Variants in PCDH7 observed in about 807,000 individuals in gnomAD.
PCDH7 encodes the protein protocadherin-7.
Under a neutral mutation model 58.9 loss-of-function variants are expected in PCDH7, and 17 were observed. The ratio of observed to expected loss-of-function variants is 0.29; its 90% CI spans 0.20 to 0.43. The LOEUF is 0.43. Among genes scored for constraint, PCDH7 ranks in the 20% least tolerant of loss-of-function variants. PCDH7 has a pLI of 1.00. For missense variants in PCDH7, 1,274 were observed against 1,441.0 expected (o/e 0.88, Z 1.88); for synonymous variants, 664 against 616.4 (o/e 1.08, Z -1.14).
intron 3 of PCDH7, among the ~76,000 whole-genome samples, chr4:31,021,476 C>T (rs1171055356): frequency 1.3e-5 from 2 of 152,182 alleles, no homozygotes; most frequent in Non-Finnish European, 2.9e-5. Flanking sequence ...CAGAAATATG[C>T]TAACTGTTGT....
rs1157267696 is a variant in PCDH7, at chr4:31,074,784, C to CAAAAAAAAAAAAAAAAAAA, written c.*8-67684_*8-67666dup. 9.1e-4 allele frequency among the ~76,000 whole-genome samples: 48 copies of CAAAAAAAAAAAAAAAAAAA among 52,466 alleles called. 5 individuals carry two copies. Among genetic ancestry groups the CAAAAAAAAAAAAAAAAAAA allele is most frequent in the African/African-American group, 2.3e-3 (26 of 11,336 alleles). 34.4% of individuals were successfully genotyped at this position (52,466 alleles called of 152,430 possible). A position where few individuals can be genotyped will look rare whatever the true frequency, so the allele number is the denominator to read the frequency against. On this transcript the variant is annotated intron_variant, in intron 3 of 3. Coordinates refer to the PCDH7 transcript ENST00000509759. ...TGGGCTACAGAGGGAGATTCCGTCT[C>CAAAAAAAAAAAAAAAAAAA]AAAAAAAAAAAAAAAAAAAAAAAGC... is the stretch of plus-strand genomic sequence containing the variant.
intron 3 of PCDH7, among the ~76,000 whole-genome samples, chr4:31,103,179 T>C (rs1199651191): frequency 1.3e-5 from 2 of 152,204 alleles, no homozygotes; most frequent in African/African-American, 4.8e-5. Flanking sequence ...GTAACCATAT[T>C]GCTTGAGAGA....
At chr4:31,118,610 T>C (rs1196298774) in intron 3 of PCDH7, among the ~76,000 whole-genome samples, 1 of 152,122 alleles carries the variant, frequency 6.6e-6, no homozygotes, top group Non-Finnish European at 1.5e-5. Flanking sequence ...TCAAATCTGT[T>C]TGGGGATAGT....
intron 3 of PCDH7, among the ~76,000 whole-genome samples, chr4:30,983,905 C>T (rs1750766462): frequency 6.6e-6 from 1 of 152,150 alleles, no homozygotes; most frequent in Non-Finnish European, 1.5e-5. Flanking sequence ...TGGGTACTGT[C>T]ATAGTGCTCC....
chr4:30,729,498 C>T (rs1715166566), intron 1 of PCDH7, among the ~76,000 whole-genome samples: 1 of 151,948 alleles, frequency 6.6e-6, no homozygotes, highest in Non-Finnish European at 1.5e-5. Flanking sequence ...AGCATCTTAA[C>T]ATGGTTAAGA....
At chr4:30,975,143 TTGTGTGTGTGTG>T (rs35675648) in intron 3 of PCDH7, among the ~76,000 whole-genome samples, 3,041 of 138,782 alleles carry the variant, frequency 0.022, 39 homozygotes, top group Non-Finnish European at 0.028. Flanking sequence ...TTCCCTTTCA[TTGTGTGTGTGTG>T]TGTGTGTGTG....
intron 3 of PCDH7, among the ~76,000 whole-genome samples, chr4:30,976,159 GT>G (rs1392525942): frequency 2.0e-5 from 3 of 151,896 alleles, no homozygotes; most frequent in African/African-American, 7.3e-5. Flanking sequence ...TTTTATTTTT[GT>G]TTTTTTCTGA....
At chr4:30,968,711 G>A (rs1749273262) in intron 3 of PCDH7, among the ~76,000 whole-genome samples, 1 of 151,962 alleles carries the variant, frequency 6.6e-6, no homozygotes, top group Non-Finnish European at 1.5e-5. Context: ...TAGTTTTCAT[G>A]TCTCTGTGTG....
chr4:31,076,027 A>G (rs1216599567), intron 3 of PCDH7, among the ~76,000 whole-genome samples: 1 of 152,206 alleles, frequency 6.6e-6, no homozygotes, highest in Non-Finnish European at 1.5e-5. Context: ...TCTCTAAAAT[A>G]TCCTTGGGGT....
intron 3 of PCDH7, among the ~76,000 whole-genome samples, chr4:30,959,855 T>C (rs991226309): frequency 6.6e-6 from 1 of 152,082 alleles, no homozygotes; most frequent in Non-Finnish European, 1.5e-5. Context: ...ATTGAGAGCT[T>C]CCATTTTATT....
At chr4:30,817,092 A>G (rs1490507865) in intron 1 of PCDH7, among the ~76,000 whole-genome samples, 1 of 152,194 alleles carries the variant, frequency 6.6e-6, no homozygotes, top group Admixed American at 6.5e-5. Flanking sequence ...GAGGAATTTA[A>G]ATAAAGAAAT....
chr4:31,106,698 A>T (rs1449659107), intron 3 of PCDH7, among the ~76,000 whole-genome samples: 5 of 152,164 alleles, frequency 3.3e-5, no homozygotes, highest in African/African-American at 1.2e-4. Context: ...TTATCATGAA[A>T]TTATTCATAA....
chr4:30,812,445 A>G (rs1287946336), intron 1 of PCDH7, among the ~76,000 whole-genome samples: 2 of 152,222 alleles, frequency 1.3e-5, no homozygotes, highest in Non-Finnish European at 2.9e-5. Context: ...CCTAGTCAGG[A>G]CATTAATTCT....
intron 3 of PCDH7, among the ~76,000 whole-genome samples, chr4:31,032,943 T>A (rs1488482482): frequency 6.6e-6 from 1 of 152,180 alleles, no homozygotes; most frequent in East Asian, 1.9e-4. Flanking sequence ...CTCTGCCTTT[T>A]TTGGTAATTA....
chr4:30,843,875 A>G (rs1240035098), intron 1 of PCDH7, among the ~76,000 whole-genome samples: 1 of 152,110 alleles, frequency 6.6e-6, no homozygotes, highest in Non-Finnish European at 1.5e-5. Flanking sequence ...AAACCTCAGG[A>G]GTACATCCAC....
chr4:31,019,601 C>T (rs189596309), intron 3 of PCDH7, among the ~76,000 whole-genome samples: 2 of 151,574 alleles, frequency 1.3e-5, no homozygotes, highest in African/African-American at 4.8e-5. Context: ...GAGGCTGAGG[C>T]AGGCTTTAAC....
intron 2 of PCDH7, among the ~76,000 whole-genome samples, chr4:30,923,153 C>T (rs565307131): frequency 2.6e-5 from 4 of 152,134 alleles, no homozygotes; most frequent in East Asian, 3.9e-4. Flanking sequence ...ATTATTATTA[C>T]CTCAAACATT....
At chr4:31,138,657 A>G (rs1255315101) in intron 3 of PCDH7, among the ~76,000 whole-genome samples, 1 of 152,150 alleles carries the variant, frequency 6.6e-6, no homozygotes, top group East Asian at 1.9e-4. Context: ...GAAGTACTTC[A>G]TGTGTTATGA....
intron 3 of PCDH7, among the ~76,000 whole-genome samples, chr4:31,069,507 A>T (rs1758365597): frequency 6.6e-6 from 1 of 152,060 alleles, no homozygotes; most frequent in African/African-American, 2.4e-5. Context: ...CACTTTACAC[A>T]TCATGAAAAA....
Sources: gnomAD v4.1 joint callset for allele counts (sites outside exome capture counted in the v4.1 genomes callset) on GRCh38, gnomAD v4.1.1 for gene constraint, MANE v1.5 for transcripts, NCBI Gene and HGNC (gene_info 2026-07-23, HGNC 2026-07-21) for gene names.